Variants in SLC24A4 observed in about 807,000 individuals in gnomAD.
SLC24A4 encodes the protein solute carrier family 24 member 4.
In SLC24A4, 53 loss-of-function variants were observed where a neutral mutation model predicts 79.0. The observed-to-expected ratio is 0.67, with a 90% CI of 0.54 to 0.84. The LOEUF (loss-of-function observed/expected upper bound fraction) is 0.84. Ranked by LOEUF, SLC24A4 falls within the 40% of genes least tolerant of loss-of-function variation. SLC24A4 has a pLI of 0.00. For synonymous variants in SLC24A4, 323 were observed against 323.8 expected (o/e 1.00, Z 0.03); for missense variants, 731 against 822.0 (o/e 0.89, Z 1.35).
Position 92,323,762 on chromosome 14 carries a change from G to A in SLC24A4, c.-69G>A, listed in dbSNP as rs1479731755. ...CCTGCTCCAGCCCCAGCGCCGCTCG[G>A]CCACTGATTGCACTCTGGCCGCTGA... On this transcript the variant is annotated 5_prime_UTR_variant, in exon 1 of 17. Coordinates refer to ENST00000532405, the MANE Select transcript of SLC24A4 (RefSeq NM_153646.4). The surrounding 1 kb of genome is among the most constrained non-coding windows in gnomAD (Gnocchi z 4.9). 7 of 1,498,786 alleles carry A rather than the reference G, an allele frequency of 4.7e-6. No homozygotes were observed. The African/African-American group carries it at 9.7e-5, about 21-fold the overall frequency. 92.8% of individuals were successfully genotyped at this position (1,498,786 alleles called of 1,614,324 possible). A position where few individuals can be genotyped will look rare whatever the true frequency, so the allele number is the denominator to read the frequency against.
rs143656889 is a variant in SLC24A4 at position 92,443,438 on chromosome 14, C to T, written c.621C>T (p.Ser207=). 8.1e-6 allele frequency: 13 copies of T among 1,614,058 alleles called. No homozygotes were observed. Among genetic ancestry groups the T allele is most frequent in the East Asian group, 2.2e-5 (1 of 44,886 alleles). The change falls in exon 7 of 17, where the codon TCC becomes TCT. Residue 207 remains serine, a synonymous_variant. Transcript: ENST00000532405. ...CGTGGTGGGCCGTGTGCCGAGACTC[C>T]GTGTACTACACCATCTCTGTCATCG... ...RLTWWAVCRD[S]VYYTISVIVL... is the part of the protein sequence containing the mutation.
chr14:92,438,064 T>C (rs887913636), intron 3 of SLC24A4, among the ~76,000 whole-genome samples: 3 of 152,120 alleles, frequency 2.0e-5, no homozygotes, highest in African/African-American at 4.8e-5. Context: ...TCTAACTCAA[T>C]TCAGTTCTGA....
intron 2 of SLC24A4, among the ~76,000 whole-genome samples, chr14:92,430,413 C>T (rs984117590): frequency 6.6e-6 from 1 of 152,210 alleles, no homozygotes; most frequent in Non-Finnish European, 1.5e-5. Context: ...GAAAACAGCT[C>T]AGGTGTGCCT....
At chr14:92,470,064 A>G (rs1382721643) in intron 12 of SLC24A4, among the ~76,000 whole-genome samples, 1 of 152,234 alleles carries the variant, frequency 6.6e-6, no homozygotes, top group African/African-American at 2.4e-5. Flanking sequence ...TGATACGTTA[A>G]TTATATCTCA....
In SLC24A4 at chr14:92,353,472, G is replaced by A. The variant is rs1886999768; in HGVS notation, c.241+27494G>A. ...TGAATTTGTCATTTTGACAGATGGT[G>A]CCAGAGGGTCCTCCATCAAGTCTGT... On this transcript the variant is annotated intron_variant, in intron 2 of 16. Coordinates refer to ENST00000532405, the MANE Select transcript of SLC24A4 (RefSeq NM_153646.4). This position sits in a 1 kb window ranked among gnomAD's most constrained non-coding sequence, Gnocchi z 4.1. 6.6e-6 allele frequency among the ~76,000 whole-genome samples: 1 copy of A among 152,208 alleles called. No individual in the cohort carries two copies. Among genetic ancestry groups the A allele is most frequent in the Non-Finnish European group, 1.5e-5 (1 of 68,040 alleles).
At chr14:92,352,514 A>G (rs568990766) in intron 2 of SLC24A4, among the ~76,000 whole-genome samples, 1 of 152,336 alleles carries the variant, frequency 6.6e-6, no homozygotes, top group South Asian at 2.1e-4. Context: ...GAGCTTCGAT[A>G]GTGAGCACTC....
chr14:92,442,649 A>G (rs1892560942), intron 5 of SLC24A4, 64 bp from the exon 6 acceptor site: 14 of 1,166,114 alleles, frequency 1.2e-5, no homozygotes, highest in Non-Finnish European at 1.7e-5. Flanking sequence ...AAAGGGGGAC[A>G]CTGAGGAAGG....
At chr14:92,445,178 G>C in intron 7 of SLC24A4, 139 bp from the exon 8 acceptor site, 1 of 929,258 alleles carries the variant, frequency 1.1e-6, no homozygotes, top group South Asian at 1.3e-5. Context: ...GCCCGTAGGT[G>C]AGCAGCTCAG....
chr14:92,339,985 T>C (rs12432529), intron 2 of SLC24A4, among the ~76,000 whole-genome samples: 28,741 of 152,160 alleles, frequency 0.19, 2,847 homozygotes, highest in African/African-American at 0.23. Flanking sequence ...TCTTAGCAGA[T>C]GCTAGAGGTG....
At chr14:92,436,671 A>G (rs1892190996) in intron 3 of SLC24A4, among the ~76,000 whole-genome samples, 1 of 152,220 alleles carries the variant, frequency 6.6e-6, no homozygotes, top group South Asian at 2.1e-4. Context: ...AACCTAGCTT[A>G]GGGGCCAGTT....
intron 12 of SLC24A4, among the ~76,000 whole-genome samples, chr14:92,477,064 C>G (rs1294141614): frequency 3.9e-5 from 6 of 152,106 alleles, no homozygotes. Context: ...TTGGGTAAAA[C>G]TAGGTGTAGA....
At chr14:92,393,535 A>G (rs890151626) in intron 2 of SLC24A4, among the ~76,000 whole-genome samples, 18 of 146,978 alleles carry the variant, frequency 1.2e-4, no homozygotes, top group African/African-American at 4.3e-4. Flanking sequence ...TCCATCCAAG[A>G]AGACACACTC....
intron 4 of SLC24A4, among the ~76,000 whole-genome samples, chr14:92,440,826 G>A (rs539335171): frequency 6.6e-6 from 1 of 151,740 alleles, no homozygotes; most frequent in South Asian, 2.1e-4. Context: ...CCAGGTTTCA[G>A]AAGTGGGAAG....
At chr14:92,447,348 G>A (rs147957599) in intron 8 of SLC24A4, 23 bp from the exon 9 acceptor site, 33 of 1,613,120 alleles carry the variant, frequency 2.0e-5, no homozygotes, top group African/African-American at 5.3e-5. Context: ...AGCTCTAACC[G>A]CAATCTCCTT....
chr14:92,350,121 C>T (rs528336816), intron 2 of SLC24A4, among the ~76,000 whole-genome samples: 2 of 152,242 alleles, frequency 1.3e-5, no homozygotes, highest in African/African-American at 4.8e-5. Flanking sequence ...GTTGAAGTCT[C>T]TCTGTCTAGA....
At chr14:92,443,251 C>A (rs1892603345) in intron 6 of SLC24A4, 149 bp from the exon 7 acceptor site, 1 of 729,740 alleles carries the variant, frequency 1.4e-6, no homozygotes, top group South Asian at 1.6e-5. Flanking sequence ...TTCTGTTCCC[C>A]AAATTATAAC....
At chr14:92,436,042 T>C (rs1160713998) in intron 3 of SLC24A4, among the ~76,000 whole-genome samples, 1 of 152,246 alleles carries the variant, frequency 6.6e-6, no homozygotes, top group African/African-American at 2.4e-5. Flanking sequence ...CAAATCCAGC[T>C]CACCAACTGT....
In SLC24A4 at chr14:92,494,362, A is replaced by G. The variant is rs1895853497; in HGVS notation, c.*734A>G. Reference sequence around the variant, plus strand: ...TCATACTTGAAAATTATCATTCCATATGAAAGGATCATGATACACACCAAA... The same window carrying G: ...TCATACTTGAAAATTATCATTCCATGTGAAAGGATCATGATACACACCAAA... On this transcript the variant is annotated 3_prime_UTR_variant, in exon 17 of 17. Transcript: ENST00000532405. The surrounding 1 kb of genome is among the most constrained non-coding windows in gnomAD (Gnocchi z 4.6). 2 of 152,650 alleles carry G rather than the reference A, an allele frequency of 1.3e-5. No homozygotes were observed. The highest frequency in any genetic ancestry group is 4.1e-4 in the South Asian group (2 of 4,830). The allele number at this position is 152,650 out of a possible 1,614,324, so 9.5% of individuals were successfully genotyped here.
At chr14:92,450,786 T>G (rs1408782086) in intron 10 of SLC24A4, 6 of 152,668 alleles carry the variant, frequency 3.9e-5, no homozygotes, top group Admixed American at 6.5e-5. Context: ...CTCAGGCCAG[T>G]GGCAGATGCC....
Sources: allele counts gnomAD v4.1 joint callset (sites outside exome capture counted in the v4.1 genomes callset), GRCh38; gene constraint gnomAD v4.1.1; non-coding constraint Gnocchi (gnomAD v3.1); transcripts MANE v1.5; gene names NCBI Gene and HGNC (gene_info 2026-07-23, HGNC 2026-07-21).